Variants in ACVR1B observed in about 807,000 individuals in gnomAD.
ACVR1B encodes the protein activin A receptor type 1B.
ACVR1B carries 15 observed loss-of-function variants against 55.6 expected under a neutral mutation model. That is an observed-to-expected ratio of 0.27 (90% CI 0.18 to 0.42). ACVR1B has a LOEUF of 0.42. Ranked by LOEUF, ACVR1B falls within the 10% of genes least tolerant of loss-of-function variation. ACVR1B has a pLI of 1.00. For missense variants in ACVR1B, 359 were observed against 670.1 expected (o/e 0.54, Z 5.13); for synonymous variants, 247 against 254.6 (o/e 0.97, Z 0.28).
intron 8 of ACVR1B, among the ~76,000 whole-genome samples, chr12:51,993,394 T>C (rs1176082088): frequency 2.0e-5 from 3 of 152,202 alleles, no homozygotes; most frequent in Non-Finnish European, 4.4e-5. Context: ...CAGGGTTTGC[T>C]TCAGAGGGCA....
At chr12:51,959,282 C>G (rs1362120483) in intron 1 of ACVR1B, among the ~76,000 whole-genome samples, 2 of 152,190 alleles carry the variant, frequency 1.3e-5, no homozygotes, top group African/African-American at 4.8e-5. Flanking sequence ...AGAGAGATTT[C>G]TCAGCTGATT....
At chr12:51,966,559 C>T (rs1457789188) in intron 1 of ACVR1B, among the ~76,000 whole-genome samples, 2 of 152,226 alleles carry the variant, frequency 1.3e-5, no homozygotes, top group African/African-American at 4.8e-5. Flanking sequence ...AGCAATCCTT[C>T]CACCTCAGCC....
intron 1 of ACVR1B, among the ~76,000 whole-genome samples, chr12:51,957,707 G>A (rs574583394): frequency 1.3e-5 from 2 of 152,206 alleles, no homozygotes; most frequent in South Asian, 4.2e-4. Context: ...GCCTGGCTTT[G>A]TTTCTGTTTA....
intron 1 of ACVR1B, among the ~76,000 whole-genome samples, chr12:51,969,264 T>C (rs144162634): frequency 1.2e-4 from 19 of 152,318 alleles, no homozygotes; most frequent in Non-Finnish European, 2.4e-4. Flanking sequence ...GACAATGTTA[T>C]TTTTCTTCCC....
intron 3 of ACVR1B, among the ~76,000 whole-genome samples, chr12:51,980,474 CTT>C (rs1367299103): frequency 6.6e-6 from 1 of 152,186 alleles, no homozygotes; most frequent in African/African-American, 2.4e-5. Context: ...GCATTGCTCT[CTT>C]TGGAGATGGG....
intron 1 of ACVR1B, among the ~76,000 whole-genome samples, chr12:51,957,214 G>A (rs1327429012): frequency 6.6e-6 from 1 of 152,008 alleles, no homozygotes; most frequent in Non-Finnish European, 1.5e-5. Flanking sequence ...TTGGGAGGCC[G>A]AGGCAGGTGG....
chr12:51,951,776 C>T lies in ACVR1B; in HGVS notation c.33C>T (p.Phe11=). 7.7e-7 allele frequency: 1 copy of T among 1,294,816 alleles called. No homozygotes were observed. Among genetic ancestry groups the T allele is most frequent in the Non-Finnish European group, 9.9e-7 (1 of 1,012,808 alleles). The allele number at this position is 1,294,816 out of a possible 1,614,324, so 80.2% of individuals were successfully genotyped here. Residue 11 remains phenylalanine, a synonymous_variant, in exon 1 of 9, where the codon TTC becomes TTT. Coordinates refer to ENST00000257963, the MANE Select transcript of ACVR1B (RefSeq NM_004302.5). The part of the protein sequence containing the change: MAESAGASSF[F]PLVVLLLAGS... ...AGTCGGCCGGAGCCTCCTCCTTCTT[C>T]CCCCTTGTTGTCCTCCTGCTCGCCG...
intron 1 of ACVR1B, among the ~76,000 whole-genome samples, chr12:51,962,987 A>G (rs1351761981): frequency 6.6e-6 from 1 of 152,150 alleles, no homozygotes; most frequent in East Asian, 1.9e-4. Context: ...ATTCCCGGAC[A>G]CGGTGGAGAG....
chr12:51,968,885 T>A (rs1036927038), intron 1 of ACVR1B, among the ~76,000 whole-genome samples: 40 of 152,280 alleles, frequency 2.6e-4, no homozygotes, highest in Middle Eastern at 3.4e-3. Flanking sequence ...CAGATTAGGG[T>A]TGCCCAGTCA....
chr12:51,974,176 C>T (rs1941800239), intron 1 of ACVR1B, among the ~76,000 whole-genome samples: 1 of 152,136 alleles, frequency 6.6e-6, no homozygotes, highest in Admixed American at 6.5e-5. Context: ...CTCCACCCGC[C>T]AATGTGTGAG....
At chr12:51,970,354 C>T (rs1397572036) in intron 1 of ACVR1B, among the ~76,000 whole-genome samples, 2 of 152,124 alleles carry the variant, frequency 1.3e-5, no homozygotes, top group South Asian at 4.1e-4. Flanking sequence ...CTTGTGAGCC[C>T]CTTAACTTCT....
At position 51,995,061 on chromosome 12, in the gene ACVR1B, G is replaced by A. The variant is rs762528963; in HGVS notation, c.*951G>A. 2 of 152,988 alleles carry A rather than the reference G, an allele frequency of 1.3e-5. No individual in the cohort carries two copies. Among genetic ancestry groups the A allele is most frequent in the African/African-American group, 4.8e-5 (2 of 41,450 alleles). The allele number at this position is 152,988 out of a possible 1,614,324, so 9.5% of individuals were successfully genotyped here. ...AAATGTGAGGGTGGTGGGTGGGATG[G>A]GCAGGGAAGGAATCCTGGTGGAAGT... On this transcript the variant is annotated 3_prime_UTR_variant, in exon 9 of 9. Transcript: ENST00000257963.
chr12:51,992,326 G>C (rs1942207824), intron 8 of ACVR1B: 1 of 413,220 alleles, frequency 2.4e-6, no homozygotes, highest in Non-Finnish European at 4.3e-6. Context: ...GCAATGTGGG[G>C]AGACCCCATC....
chr12:51,983,662 G>C (rs1198974145), intron 4 of ACVR1B, among the ~76,000 whole-genome samples: 2 of 152,170 alleles, frequency 1.3e-5, no homozygotes, highest in East Asian at 1.9e-4. Flanking sequence ...ACACAAAGCT[G>C]GTGATAGCTG....
intron 1 of ACVR1B, among the ~76,000 whole-genome samples, chr12:51,966,311 A>G (rs1245463606): frequency 6.6e-6 from 1 of 152,240 alleles, no homozygotes; most frequent in Non-Finnish European, 1.5e-5. Context: ...GGGAAGCTGC[A>G]GGACAAATGG....
At chr12:51,953,350 C>G (rs1941347324) in intron 1 of ACVR1B, 1 of 985,394 alleles carries the variant, frequency 1.0e-6, no homozygotes, top group Non-Finnish European at 1.2e-6. Context: ...AGTGGTGGAG[C>G]CTGTGCAGCG....
chr12:51,984,217 G>A (rs752440478), intron 5 of ACVR1B, 51 bp downstream of exon 5: 6 of 1,598,084 alleles, frequency 3.8e-6, no homozygotes, highest in Admixed American at 1.7e-5. Flanking sequence ...TGAAAGGTCC[G>A]CAGTGTCCTG....
chr12:51,985,665 A>C (rs1044284522), intron 6 of ACVR1B, among the ~76,000 whole-genome samples: 1 of 152,208 alleles, frequency 6.6e-6, no homozygotes, highest in African/African-American at 2.4e-5. Context: ...GTGGCTCGGG[A>C]AAGAGGGAAA....
In ACVR1B at chr12:51,985,486, T is replaced by C. The variant is rs1013582034; in HGVS notation, c.1136+138T>C. On this transcript the variant is annotated intron_variant, in intron 6 of 8. Transcript: ENST00000257963. ...TGCTCTCAGCCCACTGAAAGTTGAATTGAACATGCACTCCCCACAATGGAA... is the reference window on the plus strand; with the variant it reads ...TGCTCTCAGCCCACTGAAAGTTGAACTGAACATGCACTCCCCACAATGGAA... 7 of 962,976 alleles carry C rather than the reference T, an allele frequency of 7.3e-6. No homozygotes were observed. In the African/African-American group the frequency reaches 1.2e-4, roughly 16 times the overall value. The allele number at this position is 962,976 out of a possible 1,614,324, so 59.7% of individuals were successfully genotyped here. A position where few individuals can be genotyped will look rare whatever the true frequency, so the allele number is the denominator to read the frequency against.
Sources: allele counts gnomAD v4.1 joint callset (sites outside exome capture counted in the v4.1 genomes callset), GRCh38; gene constraint gnomAD v4.1.1; transcripts MANE v1.5; gene names NCBI Gene and HGNC (gene_info 2026-07-23, HGNC 2026-07-21).